KCNJ6: variants seen among roughly 807,000 people sequenced by gnomAD.
The protein encoded by KCNJ6 is G protein-activated inward rectifier potassium channel 2.
A neutral mutation model predicts 34.2 loss-of-function variants in KCNJ6; 9 were observed. The ratio of observed to expected loss-of-function variants is 0.26; its 90% CI spans 0.16 to 0.46. KCNJ6 has a LOEUF of 0.46. Ranked by LOEUF, KCNJ6 falls within the 20% of genes least tolerant of loss-of-function variation. The pLI is 1.00. For missense variants in KCNJ6, 236 were observed against 531.3 expected (o/e 0.44, Z 5.46); for synonymous variants, 196 against 207.1 (o/e 0.95, Z 0.46).
chr21:37,906,734 CCTT>C (rs2055843616), intron 1 of KCNJ6, among the ~76,000 whole-genome samples: 1 of 152,104 alleles, frequency 6.6e-6, no homozygotes. Flanking sequence ...GCCCAACACT[CCTT>C]GAGTGCTGAT....
At chr21:37,765,374 G>A (rs1297809512) in intron 2 of KCNJ6, among the ~76,000 whole-genome samples, 2 of 152,180 alleles carry the variant, frequency 1.3e-5, no homozygotes, top group Non-Finnish European at 2.9e-5. Context: ...GTTCTGAACT[G>A]GGAGGATTTT....
At chr21:37,854,531 C>T (rs745747219) in intron 1 of KCNJ6, among the ~76,000 whole-genome samples, 1 of 152,038 alleles carries the variant, frequency 6.6e-6, no homozygotes, top group African/African-American at 2.4e-5. Flanking sequence ...TTAGTGTATA[C>T]AAAAATACAT....
rs78183188 is a variant in KCNJ6, at chr21:37,652,705, T to G, written c.947-27221A>C. Among the ~76,000 whole-genome samples the G allele has an allele frequency of 3.9e-3, 595 of 152,262 alleles. 6 individuals carry two copies. The highest frequency in any genetic ancestry group is 0.014 in the African/African-American group (570 of 41,560). On this transcript the variant is annotated intron_variant, in intron 3 of 3. Coordinates refer to ENST00000609713, the MANE Select transcript of KCNJ6 (RefSeq NM_002240.5). ...TGGGATAACTTTGGACAAACTGGGA[T>G]GATTGGCCACTCTAGTTGTCAGATA...
chr21:37,818,229 T>C (rs1480135802), intron 2 of KCNJ6, among the ~76,000 whole-genome samples: 1 of 151,924 alleles, frequency 6.6e-6, no homozygotes, highest in East Asian at 1.9e-4. Context: ...TGTGTGTGTG[T>C]GTGTGTGTGT....
Position 37,614,504 on chromosome 21 carries a change from G to GTGTGTGTATGCA in KCNJ6, c.*10654_*10655insTGCATACACACA, listed in dbSNP as rs773727138. The GTGTGTGTATGCA allele has an allele frequency of 1.4e-5, 2 of 142,444 alleles. No individual in the cohort carries two copies. Among genetic ancestry groups the GTGTGTGTATGCA allele is most frequent in the African/African-American group, 2.7e-5 (1 of 37,076 alleles). 8.8% of individuals were successfully genotyped at this position (142,444 alleles called of 1,614,324 possible). On this transcript the variant is annotated 3_prime_UTR_variant, in exon 4 of 4. Transcript: ENST00000609713. ...CATGTGTCTGTGTGCGTGTATGCAT[G>GTGTGTGTATGCA]TGTCTCTGTATGCATGTGTGTATGC...
chr21:37,766,003 ATG>A (rs2055089079), intron 2 of KCNJ6, among the ~76,000 whole-genome samples: 1 of 152,216 alleles, frequency 6.6e-6, no homozygotes, highest in Non-Finnish European at 1.5e-5. Context: ...TATCAGTAAA[ATG>A]TGTGTGTGCA....
At chr21:37,716,546 C>A in intron 2 of KCNJ6, among the ~76,000 whole-genome samples, 1 of 151,806 alleles carries the variant, frequency 6.6e-6, no homozygotes, top group Non-Finnish European at 1.5e-5. Flanking sequence ...CTATGCCTGG[C>A]CAATTATTTT....
chr21:37,846,038 C>A (rs183817164), intron 1 of KCNJ6, among the ~76,000 whole-genome samples: 59 of 152,106 alleles, frequency 3.9e-4, no homozygotes, highest in Non-Finnish European at 7.6e-4. Flanking sequence ...AAAAAAACAA[C>A]GTTAAGTGTC....
intron 3 of KCNJ6, among the ~76,000 whole-genome samples, chr21:37,654,556 G>A (rs1388968635): frequency 1.3e-5 from 2 of 152,128 alleles, no homozygotes; most frequent in Non-Finnish European, 2.9e-5. Flanking sequence ...ATGTGTCCTT[G>A]AGTGTGTCAA....
rs2054456991 is a variant in KCNJ6 at position 37,655,235 on chromosome 21, G to GAGAA, written c.947-29752_947-29751insTTCT. Among the ~76,000 whole-genome samples the GAGAA allele has an allele frequency of 9.0e-3, 23 of 2,546 alleles. 1 individual carries two copies. The highest frequency in any genetic ancestry group is 0.028 in the Admixed American group (5 of 176). 1.7% of individuals were successfully genotyped at this position (2,546 alleles called of 152,430 possible). A position where few individuals can be genotyped will look rare whatever the true frequency, so the allele number is the denominator to read the frequency against. On this transcript the variant is annotated intron_variant, in intron 3 of 3. Coordinates refer to ENST00000609713, the MANE Select transcript of KCNJ6 (RefSeq NM_002240.5). ...TGTGTGTGTGTGTGTGAGAGAGAGA[G>GAGAA]AGAGAGAGAGAGAGAGAGAGAGAGA...
chr21:37,820,638 C>G (rs1023770410), intron 2 of KCNJ6, among the ~76,000 whole-genome samples: 2 of 152,246 alleles, frequency 1.3e-5, no homozygotes, highest in African/African-American at 4.8e-5. Flanking sequence ...CCATAATTTA[C>G]TAGAATGACT....
rs181974439 is a variant in KCNJ6 at position 37,895,014 on chromosome 21, C to A, written c.-28+20870G>T. Among the ~76,000 whole-genome samples the A allele has an allele frequency of 4.6e-5, 7 of 152,260 alleles. No homozygotes were observed. The East Asian group carries it at 1.4e-3, about 29-fold the overall frequency. On this transcript the variant is annotated intron_variant, in intron 1 of 3. Transcript: ENST00000609713. ...TCTCAAACTCCTAGGTTCAAATGAT[C>A]CTCTGGCTTCAGCCTCCTGAGTAGC...
intron 2 of KCNJ6, among the ~76,000 whole-genome samples, chr21:37,814,328 TG>T (rs1297855676): frequency 6.6e-6 from 1 of 152,166 alleles, no homozygotes; most frequent in Non-Finnish European, 1.5e-5. Flanking sequence ...ATGCTGTTGG[TG>T]AGAATGCAAA....
At chr21:37,672,373 G>A (rs1296424909) in intron 3 of KCNJ6, among the ~76,000 whole-genome samples, 1 of 152,002 alleles carries the variant, frequency 6.6e-6, no homozygotes, top group Non-Finnish European at 1.5e-5. Flanking sequence ...GAAAGAAGTA[G>A]TCTAAGGATG....
intron 2 of KCNJ6, among the ~76,000 whole-genome samples, chr21:37,768,543 G>A (rs1176938959): frequency 6.6e-6 from 1 of 152,194 alleles, no homozygotes; most frequent in East Asian, 1.9e-4. Context: ...TGTTCATAGT[G>A]CATAGATTCA....
chr21:37,719,176 C>T (rs972628126), intron 2 of KCNJ6, among the ~76,000 whole-genome samples: 1 of 152,088 alleles, frequency 6.6e-6, no homozygotes, highest in South Asian at 2.1e-4. Flanking sequence ...AGCCTCAGGG[C>T]TGTGTCCAGA....
intron 1 of KCNJ6, among the ~76,000 whole-genome samples, chr21:37,881,206 A>G (rs1211552520): frequency 2.0e-5 from 3 of 152,204 alleles, no homozygotes; most frequent in Non-Finnish European, 4.4e-5. Flanking sequence ...GGCAGTCAGG[A>G]GTGGAAAGCT....
intron 2 of KCNJ6, among the ~76,000 whole-genome samples, chr21:37,728,567 G>C (rs1264123626): frequency 6.6e-6 from 1 of 152,144 alleles, no homozygotes; most frequent in African/African-American, 2.4e-5. Flanking sequence ...AGCTTACAAA[G>C]AGCTACGATG....
intron 3 of KCNJ6, among the ~76,000 whole-genome samples, chr21:37,686,659 G>A (rs1039481966): frequency 6.6e-6 from 1 of 151,940 alleles, no homozygotes; most frequent in African/African-American, 2.4e-5. Context: ...TAGAGACGGG[G>A]TTTCAGCATG....
Sources: allele counts gnomAD v4.1 joint callset (sites outside exome capture counted in the v4.1 genomes callset), GRCh38; gene constraint gnomAD v4.1.1; transcripts MANE v1.5; gene names NCBI Gene and HGNC (gene_info 2026-07-23, HGNC 2026-07-21).